Variants in LYRM4 observed in about 807,000 individuals in gnomAD.
The protein encoded by LYRM4 is LYR motif containing 4.
Under a neutral mutation model 11.7 loss-of-function variants are expected in LYRM4, and 9 were observed. The observed-to-expected ratio is 0.77, with a 90% CI of 0.46 to 1.34. The LOEUF (loss-of-function observed/expected upper bound fraction) is 1.34, where lower values mean the gene tolerates loss of function less well. Ranked by LOEUF, LYRM4 falls within the 40% of genes most tolerant of loss-of-function variation. The pLI is 0.00. For missense variants in LYRM4, 133 were observed against 112.5 expected (o/e 1.18, Z -0.82); for synonymous variants, 42 against 40.4 (o/e 1.04, Z -0.15).
downstream of LYRM4, chr6:5,102,604 A>T (rs531939096): frequency 3.0e-4 from 46 of 152,384 alleles, 2 homozygotes; most frequent in African/African-American, 1.1e-3. Context: ...TGGACTAAGA[A>T]AGCTTATCAC....
intron 1 of LYRM4, among the ~76,000 whole-genome samples, chr6:5,230,887 C>A (rs908400186): frequency 3.1e-4 from 47 of 152,258 alleles, no homozygotes; most frequent in African/African-American, 1.1e-3. Context: ...ATGAACTCAG[C>A]ACAAAAATGC....
intron 2 of LYRM4, among the ~76,000 whole-genome samples, chr6:5,160,041 C>T (rs887598457): frequency 3.3e-5 from 5 of 152,130 alleles, no homozygotes; most frequent in African/African-American, 9.7e-5. Context: ...AGAAGCAGTT[C>T]GAGGACCACC....
intron 2 of LYRM4, among the ~76,000 whole-genome samples, chr6:5,115,468 G>GT (rs1049158212): frequency 6.6e-6 from 1 of 152,186 alleles, no homozygotes; most frequent in African/African-American, 2.4e-5. Context: ...GGATTCTCCT[G>GT]TTGTGTGGCC....
chr6:5,154,584 A>C (rs1758281455), intron 2 of LYRM4, among the ~76,000 whole-genome samples: 1 of 152,158 alleles, frequency 6.6e-6, no homozygotes, highest in African/African-American at 2.4e-5. Context: ...TGGGAGGCCA[A>C]GGTGGGCAGA....
chr6:5,095,872 C>T, the LYRM4 span, among the ~76,000 whole-genome samples: 4 of 152,000 alleles, frequency 2.6e-5, no homozygotes, highest in African/African-American at 4.8e-5. Context: ...CCCAGCTATT[C>T]GGGAGGCTGA....
intron 1 of LYRM4, among the ~76,000 whole-genome samples, chr6:5,241,550 A>G (rs1763880808): frequency 6.6e-6 from 1 of 150,424 alleles, no homozygotes. Context: ...AGAATTTTGT[A>G]CAGCATAGGC....
chr6:5,076,648 G>C, the LYRM4 span, among the ~76,000 whole-genome samples: 1 of 152,182 alleles, frequency 6.6e-6, no homozygotes, highest in Non-Finnish European at 1.5e-5. Flanking sequence ...CACCTAAGGA[G>C]GGGTGCTTGG....
the LYRM4 span, chr6:5,084,997 A>G: frequency 1.9e-5 from 3 of 158,868 alleles, no homozygotes; most frequent in South Asian, 5.8e-4. Context: ...GGGCAGGAAG[A>G]CTTTGTGCAC....
chr6:5,248,337 G>T (rs1581597923), intron 1 of LYRM4, among the ~76,000 whole-genome samples: 1 of 152,346 alleles, frequency 6.6e-6, no homozygotes, highest in Admixed American at 6.5e-5. Flanking sequence ...TAGGGCAATG[G>T]CCTCCTGACT....
At chr6:5,144,768 T>C (rs547055266) in intron 2 of LYRM4, among the ~76,000 whole-genome samples, 1 of 152,024 alleles carries the variant, frequency 6.6e-6, no homozygotes, top group Admixed American at 6.5e-5. Context: ...TGCATGTGTC[T>C]GGGAGCTGCA....
At chr6:5,100,933 A>T (rs1434909396), downstream of LYRM4, among the ~76,000 whole-genome samples, 1 of 152,058 alleles carries the variant, frequency 6.6e-6, no homozygotes, top group Non-Finnish European at 1.5e-5. Context: ...TTTCTTCTCC[A>T]TCTGACCCAC....
chr6:5,191,946 T>C (rs923221511), intron 2 of LYRM4, among the ~76,000 whole-genome samples: 4 of 151,962 alleles, frequency 2.6e-5, no homozygotes, highest in Non-Finnish European at 5.9e-5. Flanking sequence ...AGAGAAACAA[T>C]CCGACAGATT....
chr6:5,058,718 T>G, the LYRM4 span, among the ~76,000 whole-genome samples: 1 of 152,178 alleles, frequency 6.6e-6, no homozygotes, highest in Non-Finnish European at 1.5e-5. Flanking sequence ...ATTTTTCCTG[T>G]TTTAGCCATG....
chr6:5,064,022 T>C, the LYRM4 span, among the ~76,000 whole-genome samples: 1 of 152,234 alleles, frequency 6.6e-6, no homozygotes, highest in Non-Finnish European at 1.5e-5. Context: ...GGCTGAGTTC[T>C]TCCACATCTG....
chr6:5,213,063 T>A (rs1241272183), intron 2 of LYRM4, among the ~76,000 whole-genome samples: 1 of 152,196 alleles, frequency 6.6e-6, no homozygotes, highest in Non-Finnish European at 1.5e-5. Flanking sequence ...TGAGCAGAGT[T>A]GAAGTGCTCC....
Position 5,108,572 on chromosome 6 carries a change from G to C in LYRM4, c.*851C>G, listed in dbSNP as rs909160596. 1 of 355,162 alleles carries C rather than the reference G, an allele frequency of 2.8e-6. No individual in the cohort carries two copies. Among genetic ancestry groups the C allele is most frequent in the Admixed American group, 6.5e-5 (1 of 15,472 alleles). 22.0% of individuals were successfully genotyped at this position (355,162 alleles called of 1,614,324 possible). ...CTTACTGAGTCAGAATCTGCAGAGA[G>C]GGAAGTGCTGAGAGATGTCTTTTTA... On this transcript the variant is annotated 3_prime_UTR_variant, in exon 3 of 3. Coordinates refer to ENST00000330636, the MANE Select transcript of LYRM4 (RefSeq NM_020408.6).
intron 1 of LYRM4, among the ~76,000 whole-genome samples, chr6:5,236,800 AT>A (rs1172468153): frequency 2.0e-5 from 3 of 150,902 alleles, no homozygotes; most frequent in African/African-American, 4.9e-5. Flanking sequence ...AAAAAAAAAA[AT>A]TAAAAATTAG....
At chr6:5,179,065 C>CAAAACAAAAACAAAAAAA (rs1561851701) in intron 2 of LYRM4, among the ~76,000 whole-genome samples, 1 of 103,898 alleles carries the variant, frequency 9.6e-6, no homozygotes, top group African/African-American at 4.0e-5. Context: ...ACCAAAAAAA[C>CAAAACAAAAACAAAAAAA]AAAAAAAAAA....
chr6:5,196,108 G>A (rs1018272695), intron 2 of LYRM4, among the ~76,000 whole-genome samples: 1 of 152,134 alleles, frequency 6.6e-6, no homozygotes, highest in African/African-American at 2.4e-5. Flanking sequence ...ACAGAGAGTG[G>A]TAAGAGTCAC....
Sources: gnomAD v4.1 joint callset for allele counts (sites outside exome capture counted in the v4.1 genomes callset) on GRCh38, gnomAD v4.1.1 for gene constraint, MANE v1.5 for transcripts, NCBI Gene and HGNC (gene_info 2026-07-23, HGNC 2026-07-21) for gene names.